TBL1XR1: variants seen among roughly 807,000 people sequenced by gnomAD.
The protein encoded by TBL1XR1 is F-box-like/WD repeat-containing protein TBL1XR1.
TBL1XR1 carries 5 observed loss-of-function variants against 66.9 expected under a neutral mutation model. The observed-to-expected ratio is 0.07, with a 90% CI of 0.04 to 0.16. TBL1XR1 has a LOEUF of 0.16. Ranked by LOEUF, TBL1XR1 falls within the 10% of genes least tolerant of loss-of-function variation. The pLI is 1.00. For missense variants in TBL1XR1, 238 were observed against 623.2 expected, an observed-to-expected ratio of 0.38 and a Z score of 6.58; for synonymous variants, 210 against 206.0, an observed-to-expected ratio of 1.02 and a Z score of -0.17.
intron 1 of TBL1XR1, among the ~76,000 whole-genome samples, chr3:177,173,874 ATT>A (rs1484741790): frequency 6.6e-6 from 1 of 152,190 alleles, no homozygotes; most frequent in Non-Finnish European, 1.5e-5. Flanking sequence ...AAAAGTTAAT[ATT>A]TTTAAATTAT....
intron 14 of TBL1XR1, 162 bp downstream of exon 14, chr3:177,032,809 T>C (rs1423808540): frequency 1.4e-5 from 7 of 494,346 alleles, no homozygotes; most frequent in Non-Finnish European, 2.3e-5. Flanking sequence ...AATTCCAGTC[T>C]CCATAAAGAT....
chr3:177,113,527 T>A (rs979942072), intron 1 of TBL1XR1, among the ~76,000 whole-genome samples: 4 of 152,134 alleles, frequency 2.6e-5, no homozygotes, highest in Non-Finnish European at 5.9e-5. Flanking sequence ...TCAAATAACC[T>A]AATATTTAAA....
chr3:177,103,630 T>A (rs1724506514), intron 1 of TBL1XR1, among the ~76,000 whole-genome samples: 1 of 152,186 alleles, frequency 6.6e-6, no homozygotes, highest in Non-Finnish European at 1.5e-5. Flanking sequence ...TAAATTTATT[T>A]AATTTATAGA....
intron 4 of TBL1XR1, among the ~76,000 whole-genome samples, chr3:177,052,345 T>A (rs745308931): frequency 6.6e-6 from 1 of 152,130 alleles, no homozygotes; most frequent in Non-Finnish European, 1.5e-5. Context: ...ATACAAACAG[T>A]ACAAATTAGC....
At chr3:177,104,174 G>A (rs1468358500) in intron 1 of TBL1XR1, among the ~76,000 whole-genome samples, 1 of 150,268 alleles carries the variant, frequency 6.7e-6, no homozygotes, top group South Asian at 2.1e-4. Flanking sequence ...AATTGACCCT[G>A]CTTAGAAAGA....
At chr3:177,121,045 C>T (rs1726922199) in intron 1 of TBL1XR1, among the ~76,000 whole-genome samples, 1 of 152,128 alleles carries the variant, frequency 6.6e-6, no homozygotes, top group Non-Finnish European at 1.5e-5. Context: ...ACTACAATTC[C>T]TTTCTAAGAG....
At chr3:177,063,067 G>T (rs941886786) in intron 3 of TBL1XR1, among the ~76,000 whole-genome samples, 8 of 151,948 alleles carry the variant, frequency 5.3e-5, no homozygotes, top group Non-Finnish European at 1.0e-4. Flanking sequence ...CCGCCGCCGA[G>T]ATCACGCCAC....
chr3:177,033,713 A>G (rs1281128713), intron 13 of TBL1XR1, among the ~76,000 whole-genome samples: 2 of 152,212 alleles, frequency 1.3e-5, no homozygotes, highest in South Asian at 4.1e-4. Flanking sequence ...GATAAAGAAA[A>G]TGTGGTATAC....
chr3:177,071,034 T>TTTTTTTTTTTG (rs1312698689), intron 2 of TBL1XR1, among the ~76,000 whole-genome samples: 1 of 141,582 alleles, frequency 7.1e-6, no homozygotes, highest in Non-Finnish European at 1.5e-5. Flanking sequence ...AGAATCTGTT[T>TTTTTTTTTTTG]TTTTTTTTTT....
intron 1 of TBL1XR1, among the ~76,000 whole-genome samples, chr3:177,102,000 T>C (rs1279498140): frequency 2.3e-5 from 3 of 130,560 alleles, no homozygotes; most frequent in East Asian, 2.8e-4. Flanking sequence ...TAAATGAACA[T>C]AGAAACTAAT....
At chr3:177,173,589 G>C (rs1244522992) in intron 1 of TBL1XR1, among the ~76,000 whole-genome samples, 1 of 152,126 alleles carries the variant, frequency 6.6e-6, no homozygotes. Context: ...AAAGGGGAAA[G>C]ACTGAGAAAC....
At chr3:177,038,759 T>C (rs949159745) in intron 10 of TBL1XR1, among the ~76,000 whole-genome samples, 4 of 152,220 alleles carry the variant, frequency 2.6e-5, no homozygotes, top group Admixed American at 2.6e-4. Flanking sequence ...AATGTGATGA[T>C]ATCATGCTTT....
At chr3:177,046,936 T>G (rs1335724288) in intron 9 of TBL1XR1, among the ~76,000 whole-genome samples, 1 of 152,108 alleles carries the variant, frequency 6.6e-6, no homozygotes, top group Non-Finnish European at 1.5e-5. Flanking sequence ...TAGCTTCAAT[T>G]AAGTACCAGG....
chr3:177,133,335 C>T (rs771989261), intron 1 of TBL1XR1, among the ~76,000 whole-genome samples: 62 of 152,162 alleles, frequency 4.1e-4, no homozygotes, highest in Admixed American at 8.5e-4. Flanking sequence ...ATCCACAATC[C>T]TTGGATTGAC....
intron 1 of TBL1XR1, among the ~76,000 whole-genome samples, chr3:177,174,912 G>T (rs1178627592): frequency 6.6e-6 from 1 of 152,160 alleles, no homozygotes; most frequent in Non-Finnish European, 1.5e-5. Flanking sequence ...GCACAGCAAA[G>T]AAGTCACTTT....
At chr3:177,163,335 C>T (rs1218123296) in intron 1 of TBL1XR1, among the ~76,000 whole-genome samples, 1 of 151,886 alleles carries the variant, frequency 6.6e-6, no homozygotes, top group Non-Finnish European at 1.5e-5. Flanking sequence ...GAGGAAACCC[C>T]GTCTCTACTC....
rs1486345192 is a variant in TBL1XR1, at chr3:177,022,881, C to A, written c.*2617G>T. 6.6e-6 allele frequency: 1 copy of A among 152,282 alleles called. No individual in the cohort carries two copies. Among genetic ancestry groups the A allele is most frequent in the Non-Finnish European group, 1.5e-5 (1 of 67,906 alleles). 9.4% of individuals were successfully genotyped at this position (152,282 alleles called of 1,614,324 possible). A position where few individuals can be genotyped will look rare whatever the true frequency, so the allele number is the denominator to read the frequency against. Reference sequence around the variant, plus strand: ...TAAACAATCGTATGCTCATGAAGAACCCAAGCCTACAAAATGGATACCTTT... The same window carrying A: ...TAAACAATCGTATGCTCATGAAGAAACCAAGCCTACAAAATGGATACCTTT... On this transcript the variant is annotated 3_prime_UTR_variant, in exon 16 of 16. Coordinates refer to ENST00000457928, the MANE Select transcript of TBL1XR1 (RefSeq NM_024665.7).
chr3:177,183,851 C>CA (rs1735106606), intron 1 of TBL1XR1, among the ~76,000 whole-genome samples: 1 of 151,956 alleles, frequency 6.6e-6, no homozygotes. Context: ...CCTGTAATCC[C>CA]AGCACTTCGG....
intron 10 of TBL1XR1, among the ~76,000 whole-genome samples, chr3:177,045,535 A>G (rs1316482288): frequency 6.6e-6 from 1 of 152,156 alleles, no homozygotes; most frequent in African/African-American, 2.4e-5. Context: ...AAAGTACCAC[A>G]TTGAGTATTT....
Sources: gnomAD v4.1 joint callset for allele counts (sites outside exome capture counted in the v4.1 genomes callset) on GRCh38, gnomAD v4.1.1 for gene constraint, MANE v1.5 for transcripts, NCBI Gene and HGNC (gene_info 2026-07-23, HGNC 2026-07-21) for gene names.